The following MALT1 variants were observed in gnomAD, a reference collection of about 807,000 sequenced individuals.
The protein encoded by MALT1 is MALT1 paracaspase.
MALT1 carries 36 observed loss-of-function variants against 85.5 expected under a neutral mutation model. The ratio of observed to expected loss-of-function variants is 0.42; its 90% CI spans 0.32 to 0.56. The LOEUF (loss-of-function observed/expected upper bound fraction) is 0.56. Among genes scored for constraint, MALT1 ranks in the 20% least tolerant of loss-of-function variants. The pLI is 0.10. For missense variants in MALT1, 716 were observed against 981.6 expected, an observed-to-expected ratio of 0.73 and a Z score of 3.62; for synonymous variants, 359 against 361.3, an observed-to-expected ratio of 0.99 and a Z score of 0.07.
At chr18:58,706,965 A>T (rs2054760524) in intron 4 of MALT1, among the ~76,000 whole-genome samples, 1 of 151,024 alleles carries the variant, frequency 6.6e-6, no homozygotes, top group Non-Finnish European at 1.5e-5. Context: ...TCTTTCTGGG[A>T]CTCTTAATTA....
chr18:58,727,277 GT>G (rs72214619), intron 10 of MALT1, among the ~76,000 whole-genome samples: 127,754 of 148,320 alleles, frequency 0.86, 54,943 homozygotes, highest in East Asian at 0.94. Context: ...GGTTTTTTGG[GT>G]TTTTTTTTTG....
intron 1 of MALT1, among the ~76,000 whole-genome samples, chr18:58,674,901 A>G (rs1306873918): frequency 6.6e-6 from 1 of 152,118 alleles, no homozygotes; most frequent in Non-Finnish European, 1.5e-5. Flanking sequence ...TCTTTCCTCA[A>G]ACTGGGTGAA....
At chr18:58,718,550 G>A (rs186564856) in intron 9 of MALT1, among the ~76,000 whole-genome samples, 1 of 152,208 alleles carries the variant, frequency 6.6e-6, no homozygotes, top group African/African-American at 2.4e-5. Context: ...GATCTGAGAT[G>A]GAACAATTTC....
intron 10 of MALT1, among the ~76,000 whole-genome samples, chr18:58,724,492 T>C (rs2055026647): frequency 6.6e-6 from 1 of 152,196 alleles, no homozygotes. Context: ...TGAAAGAATA[T>C]ACAATGCAAA....
intron 9 of MALT1, among the ~76,000 whole-genome samples, chr18:58,716,201 A>G (rs2054897811): frequency 6.6e-6 from 1 of 152,178 alleles, no homozygotes; most frequent in Non-Finnish European, 1.5e-5. Flanking sequence ...GTTTCTCACG[A>G]TATGCAAACA....
chr18:58,725,338 AAAG>A (rs764519651), intron 10 of MALT1, among the ~76,000 whole-genome samples: 1 of 152,122 alleles, frequency 6.6e-6, no homozygotes, highest in Non-Finnish European at 1.5e-5. Context: ...TCAAAAAAGA[AAAG>A]AAAAACATAA....
At position 58,735,056 on chromosome 18, in the gene MALT1, G is replaced by A. The variant is rs900929824; in HGVS notation, c.1476-146G>A. On this transcript the variant is annotated intron_variant, in intron 12 of 16. Transcript: ENST00000649217. ...GTACCCTGTGACTAACAGTCCCCAC[G>A]CTGTCCCCACCCCCCCCCAGCCTCT... 81 of 497,306 alleles carry A rather than the reference G, an allele frequency of 1.6e-4. 1 individual carries two copies. The highest frequency in any genetic ancestry group is 6.8e-4 in the South Asian group (32 of 46,806). 30.8% of individuals were successfully genotyped at this position (497,306 alleles called of 1,614,324 possible).
intron 1 of MALT1, among the ~76,000 whole-genome samples, chr18:58,676,445 A>G (rs1426830151): frequency 1.3e-5 from 2 of 152,116 alleles, no homozygotes; most frequent in Admixed American, 6.5e-5. Context: ...TCAACCTGAT[A>G]TCTTCTTGTC....
chr18:58,742,125 C>T, intron 14 of MALT1, 111 bp downstream of exon 14: 1 of 796,352 alleles, frequency 1.3e-6, no homozygotes, highest in South Asian at 4.9e-5. Context: ...AATATTTTGG[C>T]CTACTAGGCA....
intron 2 of MALT1, chr18:58,691,628 G>A (rs2054500801): frequency 6.1e-6 from 1 of 165,116 alleles, no homozygotes; most frequent in South Asian, 1.5e-4. Flanking sequence ...CCCAACACTG[G>A]GAGTCTGAGG....
Position 58,729,155 on chromosome 18 carries a change from A to C in MALT1, c.1223-4242A>C, listed in dbSNP as rs149729465. 1.1e-4 allele frequency among the ~76,000 whole-genome samples: 16 copies of C among 152,320 alleles called. No homozygotes were observed. The East Asian group carries it at 3.1e-3, about 29-fold the overall frequency. On this transcript the variant is annotated intron_variant, in intron 10 of 16. Transcript: ENST00000649217. The stretch of plus-strand genomic sequence containing the variant: ...AGGAGTATGCTATGTGCTGAGAGAA[A>C]TAATAGTGAATAAAGATCATGATCT...
At chr18:58,691,004 C>A in intron 2 of MALT1, 1 of 284,728 alleles carries the variant, frequency 3.5e-6, no homozygotes, top group Non-Finnish European at 7.0e-6. Flanking sequence ...TCTGGCCAGG[C>A]AGATTTGTGC....
intron 10 of MALT1, among the ~76,000 whole-genome samples, chr18:58,729,489 CAA>C (rs72233465): frequency 8.7e-4 from 84 of 96,504 alleles, no homozygotes; most frequent in East Asian, 5.8e-3. Flanking sequence ...AACTCCGTCT[CAA>C]AAAAAAAAAA....
At chr18:58,702,930 C>G (rs779690275) in intron 4 of MALT1, among the ~76,000 whole-genome samples, 7 of 152,186 alleles carry the variant, frequency 4.6e-5, no homozygotes, top group Non-Finnish European at 8.8e-5. Context: ...GAACCATGTT[C>G]TTTGTTGTAT....
At chr18:58,700,345 T>G in intron 3 of MALT1, 96 bp from the exon 4 acceptor site, 2 of 977,678 alleles carry the variant, frequency 2.0e-6, no homozygotes, top group Non-Finnish European at 1.4e-6. Context: ...TGTTGCACTT[T>G]CAAAGCTTCA....
At chr18:58,682,324 A>G (rs2054334781) in intron 2 of MALT1, among the ~76,000 whole-genome samples, 1 of 152,226 alleles carries the variant, frequency 6.6e-6, no homozygotes, top group Non-Finnish European at 1.5e-5. Flanking sequence ...CAGAAACCCC[A>G]ACCCAAATAG....
intron 13 of MALT1, among the ~76,000 whole-genome samples, chr18:58,740,901 T>G (rs556493724): frequency 5.7e-4 from 87 of 152,310 alleles, no homozygotes; most frequent in African/African-American, 2.0e-3. Flanking sequence ...CACTTTTTAC[T>G]TCATATATAG....
chr18:58,745,304 C>T (rs1321622706), intron 15 of MALT1, among the ~76,000 whole-genome samples: 1 of 152,198 alleles, frequency 6.6e-6, no homozygotes, highest in East Asian at 1.9e-4. Flanking sequence ...ATAAATTTCC[C>T]TGCACCTTCC....
chr18:58,744,317 G>A (rs1568157352), intron 14 of MALT1, 21 bp from the exon 15 acceptor site: 1 of 1,566,406 alleles, frequency 6.4e-7, no homozygotes, highest in Non-Finnish European at 8.7e-7. Flanking sequence ...TACCAAAGTT[G>A]TTCTTATTGT....
Sources: allele counts gnomAD v4.1 joint callset (sites outside exome capture counted in the v4.1 genomes callset), GRCh38; gene constraint gnomAD v4.1.1; transcripts MANE v1.5; gene names NCBI Gene and HGNC (gene_info 2026-07-23, HGNC 2026-07-21).